The following CXADR variants were observed in gnomAD, a reference collection of about 807,000 sequenced individuals.
CXADR encodes the protein coxsackievirus and adenovirus receptor.
CXADR carries 20 observed loss-of-function variants against 40.3 expected under a neutral mutation model. The ratio of observed to expected loss-of-function variants is 0.50; its 90% CI spans 0.35 to 0.72. The LOEUF (loss-of-function observed/expected upper bound fraction) is 0.72. Among genes scored for constraint, CXADR ranks in the 30% least tolerant of loss-of-function variants. CXADR has a pLI of 0.01. For missense variants in CXADR, 332 were observed against 449.1 expected (o/e 0.74, Z 2.36); for synonymous variants, 150 against 161.3 (o/e 0.93, Z 0.53).
intron 7 of CXADR, among the ~76,000 whole-genome samples, chr21:17,578,818 T>C (rs535795596): frequency 3.3e-5 from 5 of 152,310 alleles, no homozygotes; most frequent in African/African-American, 1.2e-4. Context: ...CAAAAGACCT[T>C]GTCTTCAAAA....
chr21:17,633,615 T>G, the CXADR span, among the ~76,000 whole-genome samples: 1 of 152,216 alleles, frequency 6.6e-6, no homozygotes, highest in Admixed American at 6.5e-5. Context: ...TCTATTCTTC[T>G]GAGGAATGGT....
intron 7 of CXADR, among the ~76,000 whole-genome samples, chr21:17,588,789 C>G (rs1337962261): frequency 6.6e-6 from 1 of 152,024 alleles, no homozygotes; most frequent in Non-Finnish European, 1.5e-5. Flanking sequence ...TTGAAATTTA[C>G]TCTTCCATGT....
At chr21:17,608,085 G>A in the CXADR span, among the ~76,000 whole-genome samples, 1 of 152,148 alleles carries the variant, frequency 6.6e-6, no homozygotes, top group Non-Finnish European at 1.5e-5. Flanking sequence ...CCAGAACCTT[G>A]GCCAGGCATG....
chr21:17,530,352 G>A (rs2060657298), intron 1 of CXADR: 2 of 446,050 alleles, frequency 4.5e-6, no homozygotes, highest in Non-Finnish European at 8.9e-6. Flanking sequence ...TACAGTTTGT[G>A]TTTTTTGTCT....
At chr21:17,609,364 T>G in the CXADR span, among the ~76,000 whole-genome samples, 2 of 152,160 alleles carry the variant, frequency 1.3e-5, no homozygotes, top group East Asian at 3.8e-4. Context: ...TCTTATCACT[T>G]AGCTTCATGA....
chr21:17,598,644 C>G, the CXADR span: 15 of 1,613,954 alleles, frequency 9.3e-6, no homozygotes, highest in Non-Finnish European at 1.3e-5. Flanking sequence ...CGGCTGCAGT[C>G]ACCGAACTGG....
At chr21:17,623,774 T>C in the CXADR span, among the ~76,000 whole-genome samples, 14 of 152,230 alleles carry the variant, frequency 9.2e-5, no homozygotes, top group African/African-American at 3.1e-4. Flanking sequence ...GGACCAAAAA[T>C]TTTGGAGTCA....
At chr21:17,558,919 T>G in intron 3 of CXADR, 57 bp from the exon 4 acceptor site, 3 of 1,533,176 alleles carry the variant, frequency 2.0e-6, no homozygotes, top group Non-Finnish European at 2.6e-6. Context: ...CAATGCTGTA[T>G]TCATAAAAGT....
At chr21:17,544,440 A>T (rs1208333333) in intron 1 of CXADR, among the ~76,000 whole-genome samples, 1 of 152,214 alleles carries the variant, frequency 6.6e-6, no homozygotes, top group Non-Finnish European at 1.5e-5. Flanking sequence ...TAGAGGCTTA[A>T]AACAAAAATC....
chr21:17,593,211 A>C (rs1323936188), exon 8 of CXADR: 5 of 1,428,138 alleles, frequency 3.5e-6, no homozygotes, highest in Admixed American at 5.4e-5. Flanking sequence ...CTACTGAAGA[A>C]TCTGAAGTAT....
chr21:17,581,552 A>G (rs2061359586), intron 7 of CXADR, among the ~76,000 whole-genome samples: 1 of 152,164 alleles, frequency 6.6e-6, no homozygotes. Flanking sequence ...TTGTTTAAAA[A>G]CATTTGTAGG....
chr21:17,566,527 T>A lies in CXADR; in HGVS notation c.*835T>A. 1 of 985,364 alleles carries A rather than the reference T, an allele frequency of 1.0e-6. No individual in the cohort carries two copies. Among genetic ancestry groups the A allele is most frequent in the South Asian group, 4.7e-5 (1 of 21,286 alleles). 61.0% of individuals were successfully genotyped at this position (985,364 alleles called of 1,614,324 possible). ...AAATGGTGGCCAGCCAGATCAAGGA[T>A]GTAGTATCTCATAGTTCCCAGGTGA... On this transcript the variant is annotated 3_prime_UTR_variant, in exon 7 of 7. Coordinates refer to ENST00000284878, the MANE Select transcript of CXADR (RefSeq NM_001338.5).
intron 4 of CXADR, among the ~76,000 whole-genome samples, chr21:17,560,432 A>G (rs1481075077): frequency 6.6e-6 from 1 of 152,184 alleles, no homozygotes. Flanking sequence ...ATGGGTTTGC[A>G]GCAGGTACAC....
At chr21:17,533,576 A>G (rs192312889) in intron 1 of CXADR, among the ~76,000 whole-genome samples, 1 of 152,152 alleles carries the variant, frequency 6.6e-6, no homozygotes, top group Admixed American at 6.5e-5. Context: ...TTCATTGCAA[A>G]ACACGGATGC....
intron 1 of CXADR, among the ~76,000 whole-genome samples, chr21:17,525,999 A>T (rs2060593979): frequency 6.6e-6 from 1 of 152,268 alleles, no homozygotes; most frequent in South Asian, 2.1e-4. Flanking sequence ...CATACAAAAT[A>T]TGCTTTTTTC....
rs74976218 is a variant in CXADR, at chr21:17,557,001, C to T, written c.416-1975C>T. 6.8e-3 allele frequency among the ~76,000 whole-genome samples: 1,042 copies of T among 152,246 alleles called. 13 individuals are homozygous for T. Among genetic ancestry groups the T allele is most frequent in the African/African-American group, 0.024 (991 of 41,544 alleles). ...AGTTACTAAGACAAAGGAAAGCATA[C>T]GCCAGTGTTCACATGAGTGTTCAAG... On this transcript the variant is annotated intron_variant, in intron 3 of 6. Coordinates refer to ENST00000284878, the MANE Select transcript of CXADR (RefSeq NM_001338.5).
rs189584326 is a variant in CXADR at position 17,533,872 on chromosome 21, T to C, written c.44-13155T>C. On this transcript the variant is annotated intron_variant, in intron 1 of 6. Coordinates refer to ENST00000284878, the MANE Select transcript of CXADR (RefSeq NM_001338.5). ...TCTCATTGTTACTAATTTATCTTGCTGTATTAATTTCCTTAGCTCTGAGTA... is the reference window on the plus strand; with the variant it reads ...TCTCATTGTTACTAATTTATCTTGCCGTATTAATTTCCTTAGCTCTGAGTA... Among the ~76,000 whole-genome samples, 195 of 151,742 alleles carry C rather than the reference T, an allele frequency of 1.3e-3. 1 individual carries two copies. Among genetic ancestry groups the C allele is most frequent in the African/African-American group, 4.6e-3 (190 of 41,384 alleles).
chr21:17,588,937 T>G (rs754552679), intron 7 of CXADR, among the ~76,000 whole-genome samples: 8 of 152,060 alleles, frequency 5.3e-5, no homozygotes, highest in Non-Finnish European at 1.2e-4. Context: ...GATATATTCT[T>G]CTATTCAGTT....
At chr21:17,542,603 G>T (rs903222640) in intron 1 of CXADR, among the ~76,000 whole-genome samples, 2 of 152,182 alleles carry the variant, frequency 1.3e-5, no homozygotes, top group African/African-American at 4.8e-5. Flanking sequence ...GCCAATATGG[G>T]ATGTGGTTCC....
Sources: gnomAD v4.1 joint callset for allele counts (sites outside exome capture counted in the v4.1 genomes callset) on GRCh38, gnomAD v4.1.1 for gene constraint, MANE v1.5 for transcripts, NCBI Gene and HGNC (gene_info 2026-07-23, HGNC 2026-07-21) for gene names.